The following EGR3 variants were observed in gnomAD, a reference collection of about 807,000 sequenced individuals.
The protein encoded by EGR3 is early growth response protein 3.
Under a neutral mutation model 22.4 loss-of-function variants are expected in EGR3, and 4 were observed. The observed-to-expected ratio is 0.18, with a 90% CI of 0.09 to 0.41. The LOEUF (loss-of-function observed/expected upper bound fraction) is 0.41, where lower values mean the gene tolerates loss of function less well. Among genes scored for constraint, EGR3 ranks in the 10% least tolerant of loss-of-function variants. EGR3 has a pLI of 1.00. For synonymous variants in EGR3, 219 were observed against 226.8 expected (o/e 0.97, Z 0.31); for missense variants, 315 against 541.3 (o/e 0.58, Z 4.15).
Position 22,690,888 on chromosome 8 carries a change from G to T in EGR3, c.749C>A (p.Pro250Gln). 1 of 1,582,308 alleles carries T rather than the reference G, an allele frequency of 6.3e-7. No individual in the cohort carries two copies. The highest frequency in any genetic ancestry group is 8.6e-7 in the Non-Finnish European group (1 of 1,161,778). ...GGGCCGGATGGGCTTGAGGGTGAGC[G>T]GCGGCTGGGGCAGGCTGCCAAAGCC... Reference protein sequence around the residue: ...HPGFGSLPQPPLTLKPIRPRK... With the variant: ...HPGFGSLPQPQLTLKPIRPRK... The change falls in exon 2 of 2, where the codon CCG becomes CAG. Residue 250 changes from proline to glutamine, a missense_variant. Pro to Gln is a moderately conservative substitution (Grantham distance 76). This residue lies in a region of EGR3 where 34 missense variants were observed against 81.9 expected (regional missense o/e 0.42). Coordinates refer to ENST00000317216, the MANE Select transcript of EGR3 (RefSeq NM_004430.3).
At chr8:22,691,913 CT>C in intron 1 of EGR3, 1 of 1,231,048 alleles carries the variant, frequency 8.1e-7, no homozygotes, top group Non-Finnish European at 1.0e-6. Flanking sequence ...GACGCCGCGC[CT>C]TTCCCTCCCC....
chr8:22,691,845 GGCTCTC>G, intron 1 of EGR3: 1 of 985,360 alleles, frequency 1.0e-6, no homozygotes, highest in South Asian at 4.7e-5. Context: ...GAGCGCGCTG[GGCTCTC>G]GCTCTCCACC....
chr8:22,691,885 T>A, intron 1 of EGR3: 1 of 985,298 alleles, frequency 1.0e-6, no homozygotes, highest in Non-Finnish European at 1.2e-6. Context: ...CCTCTTCCCT[T>A]GGCCCTGTCC....
Position 22,691,322 on chromosome 8 carries a change from G to A in EGR3, c.315C>T (p.Leu105=), listed in dbSNP as rs1803949456. 1 of 1,614,102 alleles carries A rather than the reference G, an allele frequency of 6.2e-7. No individual in the cohort carries two copies. The highest frequency in any genetic ancestry group is 8.5e-7 in the Non-Finnish European group (1 of 1,180,040). Residue 105 remains leucine (L), a synonymous_variant, in exon 2 of 2, where the codon CTC becomes CTT. Transcript: ENST00000317216. ...GCACCCCCAAGATGCCGGCGCTCAT[G>A]AGGCTAATGATGTTGTCCTGGCACC... is the stretch of plus-strand genomic sequence containing the variant. The part of the protein sequence containing the change: ...SNWCQDNIIS[L]MSAGILGVPP...
chr8:22,690,352 G>T lies in EGR3; in HGVS notation c.*121C>A. ...GGCATCGAAGGGGAAGCAAGGGGCCGCACGTCCATGGAGAGGCCAGGGCGC... is the reference window on the plus strand; with the variant it reads ...GGCATCGAAGGGGAAGCAAGGGGCCTCACGTCCATGGAGAGGCCAGGGCGC... On this transcript the variant is annotated 3_prime_UTR_variant, in exon 2 of 2. Transcript: ENST00000317216. 1 of 797,148 alleles carries T rather than the reference G, an allele frequency of 1.3e-6. No homozygotes were observed. The highest frequency in any genetic ancestry group is 1.9e-6 in the Non-Finnish European group (1 of 516,946). The allele number at this position is 797,148 out of a possible 1,614,324, so 49.4% of individuals were successfully genotyped here.
rs1804040010 is a variant in EGR3 at position 22,693,467 on chromosome 8, G to T, written c.-523C>A. ...GCCGCTTCCTAGCAAGCTCACTGCT[G>T]CCCAAAAGCTCCCAGCCAGGGAACT... On this transcript the variant is annotated 5_prime_UTR_variant, in exon 1 of 2. Transcript: ENST00000317216. Among the ~76,000 whole-genome samples, 1 of 151,718 alleles carries T rather than the reference G, an allele frequency of 6.6e-6. No homozygotes were observed. Among genetic ancestry groups the T allele is most frequent in the Non-Finnish European group, 1.5e-5 (1 of 67,934 alleles).
At position 22,691,481 on chromosome 8, in the gene EGR3, C is replaced by G. The variant is rs1803955449; in HGVS notation, c.156G>C (p.Glu52Asp). 6.2e-7 allele frequency: 1 copy of G among 1,613,160 alleles called. No homozygotes were observed. Among genetic ancestry groups the G allele is most frequent in the East Asian group, 2.2e-5 (1 of 44,854 alleles). The change falls in exon 2 of 2, where the codon GAG (glutamate) becomes GAC (aspartate). Residue 52 changes from glutamate to aspartate, a missense_variant and splice_region_variant. This residue lies in a region of EGR3 where 227 missense variants were observed against 303.6 expected (regional missense o/e 0.75). Coordinates refer to ENST00000317216, the MANE Select transcript of EGR3 (RefSeq NM_004430.3). The stretch of plus-strand genomic sequence containing the variant: ...TGGTCAGACCGATGTCCATTACATT[C>G]TCTGCGGAGAGCGGGGGAGAGAGGG... ...SVVHYNQMATENVMDIGLTNE... is the reference protein window; with the variant it reads ...SVVHYNQMATDNVMDIGLTNE...
At position 22,688,865 on chromosome 8, in the gene EGR3, G is replaced by A. The variant is rs2128744447; in HGVS notation, c.*1608C>T. The A allele has an allele frequency of 6.5e-6, 1 of 152,806 alleles. No homozygotes were observed. The highest frequency in any genetic ancestry group is 2.1e-4 in the South Asian group (1 of 4,830). 9.5% of individuals were successfully genotyped at this position (152,806 alleles called of 1,614,324 possible). Reference sequence around the variant, plus strand: ...ACAGCTGGGGAAGAGGGGTGCCTGAGAAGAGGTGAGGTAGGGTGGGGAGAA... The same window carrying A: ...ACAGCTGGGGAAGAGGGGTGCCTGAAAAGAGGTGAGGTAGGGTGGGGAGAA... On this transcript the variant is annotated 3_prime_UTR_variant, in exon 2 of 2. Coordinates refer to ENST00000317216, the MANE Select transcript of EGR3 (RefSeq NM_004430.3).
Position 22,688,577 on chromosome 8 carries a change from T to TCAAAA in EGR3, c.*1891_*1895dup, listed in dbSNP as rs1300477961. 3 of 151,826 alleles carry TCAAAA rather than the reference T, an allele frequency of 2.0e-5. No homozygotes were observed. Among genetic ancestry groups the TCAAAA allele is most frequent in the Non-Finnish European group, 2.9e-5 (2 of 67,888 alleles). The allele number at this position is 151,826 out of a possible 1,614,324, so 9.4% of individuals were successfully genotyped here. On this transcript the variant is annotated 3_prime_UTR_variant, in exon 2 of 2. Transcript: ENST00000317216. ...AGTATTATTTATCCACCACCAAAAA[T>TCAAAA]CAAAACAAAACAAAACAAAAATGGT...
Position 22,692,729 on chromosome 8 carries a change from CCCT to C in EGR3, c.154+59_154+61del, listed in dbSNP as rs758184584. On this transcript the variant is annotated intron_variant, in intron 1 of 1. Transcript: ENST00000317216. This position sits in a 1 kb window ranked among gnomAD's most constrained non-coding sequence, Gnocchi z 6.2. ...TCCATCCATCCATCACCAGGTCGTC[CCCT>C]CCTCCTCTTCCTCTCCCCTTCCTTC... The C allele has an allele frequency of 3.0e-5, 48 of 1,594,988 alleles. No homozygotes were observed. The highest frequency in any genetic ancestry group is 3.8e-5 in the Non-Finnish European group (45 of 1,171,434).
chr8:22,691,534 C>A, intron 1 of EGR3, 52 bp from the exon 2 acceptor site: 1 of 1,584,864 alleles, frequency 6.3e-7, no homozygotes, highest in Non-Finnish European at 8.6e-7. Context: ...GATCCGGCTC[C>A]GGGCCGCGGC....
In EGR3 at chr8:22,692,015, A is replaced by C; in HGVS notation, c.155-533T>G. On this transcript the variant is annotated intron_variant, in intron 1 of 1. Coordinates refer to ENST00000317216, the MANE Select transcript of EGR3 (RefSeq NM_004430.3). The surrounding 1 kb of genome is among the most constrained non-coding windows in gnomAD (Gnocchi z 6.2). ...GGAGCGTAGAAGGGTGTCGCCCTCA[A>C]AGGGAGCTCTCCCTTCACCTACCCC... is the stretch of plus-strand genomic sequence containing the variant. The C allele has an allele frequency of 7.7e-7, 1 of 1,294,384 alleles. No homozygotes were observed. The highest frequency in any genetic ancestry group is 9.8e-7 in the Non-Finnish European group (1 of 1,021,250). 80.2% of individuals were successfully genotyped at this position (1,294,384 alleles called of 1,614,324 possible).
chr8:22,693,442 G>A lies in EGR3; in HGVS notation c.-498C>T. 6.1e-6 allele frequency: 1 copy of A among 162,622 alleles called. No individual in the cohort carries two copies. Among genetic ancestry groups the A allele is most frequent in the Non-Finnish European group, 1.3e-5 (1 of 76,178 alleles). 10.1% of individuals were successfully genotyped at this position (162,622 alleles called of 1,614,324 possible). A position where few individuals can be genotyped will look rare whatever the true frequency, so the allele number is the denominator to read the frequency against. On this transcript the variant is annotated 5_prime_UTR_variant, in exon 1 of 2. Coordinates refer to ENST00000317216, the MANE Select transcript of EGR3 (RefSeq NM_004430.3). Reference sequence around the variant, plus strand: ...CGCTGCTACCACCACCACCAGCCCCGCCGCTTCCTAGCAAGCTCACTGCTG... The same window carrying A: ...CGCTGCTACCACCACCACCAGCCCCACCGCTTCCTAGCAAGCTCACTGCTG...
Position 22,691,015 on chromosome 8 carries a change from C to A in EGR3, c.622G>T (p.Glu208Ter), listed in dbSNP as rs1249606448. The change falls in exon 2 of 2, where the codon GAG becomes TAG. Residue 208 changes from glutamate to a stop codon, truncating the protein, a stop_gained. Coordinates refer to ENST00000317216, the MANE Select transcript of EGR3 (RefSeq NM_004430.3). LOFTEE classifies it high-confidence loss of function. ...TCCATGCCCTGGAAGGGCTTGTGCT[C>A]CGGAATGGAGCCCATGTCGTTGGGG... ...HHPNDMGSIPEHKPFQGMDPI... is the reference protein window; with the variant it reads ...HHPNDMGSIP 1 of 1,592,162 alleles carries A rather than the reference C, an allele frequency of 6.3e-7. No individual in the cohort carries two copies. Among genetic ancestry groups the A allele is most frequent in the South Asian group, 1.1e-5 (1 of 87,564 alleles).
chr8:22,692,442 C>G lies in EGR3; in HGVS notation c.154+349G>C. Reference sequence around the variant, plus strand: ...CGACAGCACCACGCCTTGCGCGTAGCCCGGCGATCGGGCCCCCTGCGTGGT... The same window carrying G: ...CGACAGCACCACGCCTTGCGCGTAGGCCGGCGATCGGGCCCCCTGCGTGGT... On this transcript the variant is annotated intron_variant, in intron 1 of 1. Coordinates refer to ENST00000317216, the MANE Select transcript of EGR3 (RefSeq NM_004430.3). The surrounding 1 kb of genome is among the most constrained non-coding windows in gnomAD (Gnocchi z 6.2). 3 of 1,423,984 alleles carry G rather than the reference C, an allele frequency of 2.1e-6. No homozygotes were observed. In the South Asian group the frequency reaches 4.5e-5, roughly 21 times the overall value. 88.2% of individuals were successfully genotyped at this position (1,423,984 alleles called of 1,614,324 possible).
chr8:22,692,081 G>A lies in EGR3; in HGVS notation c.155-599C>T. ...GGGCATGAAGGAGCTTTAGGCTCTTGCTGGAGGGGAAAATCCTAGCCCCAG... is the reference window on the plus strand; with the variant it reads ...GGGCATGAAGGAGCTTTAGGCTCTTACTGGAGGGGAAAATCCTAGCCCCAG... On this transcript the variant is annotated intron_variant, in intron 1 of 1. Transcript: ENST00000317216. The surrounding 1 kb of genome is among the most constrained non-coding windows in gnomAD (Gnocchi z 6.2). 7.4e-7 allele frequency: 1 copy of A among 1,347,994 alleles called. No individual in the cohort carries two copies. The highest frequency in any genetic ancestry group is 9.5e-7 in the Non-Finnish European group (1 of 1,053,606). 83.5% of individuals were successfully genotyped at this position (1,347,994 alleles called of 1,614,324 possible). A position where few individuals can be genotyped will look rare whatever the true frequency, so the allele number is the denominator to read the frequency against.
Position 22,690,296 on chromosome 8 carries a change from C to G in EGR3, c.*177G>C, listed in dbSNP as rs535861312. The G allele has an allele frequency of 5.7e-5, 35 of 618,554 alleles. 1 individual carries two copies. In the East Asian group the frequency reaches 9.5e-4, roughly 17 times the overall value. The allele number at this position is 618,554 out of a possible 1,614,324, so 38.3% of individuals were successfully genotyped here. On this transcript the variant is annotated 3_prime_UTR_variant, in exon 2 of 2. Transcript: ENST00000317216. ...GGCGCCTCCAGCCCTGGCCCCTGAC[C>G]GCTGGCCGGCGTGAAAGGTTGGGAA... is the stretch of plus-strand genomic sequence containing the variant.
chr8:22,692,729 C>T lies in EGR3; in HGVS notation c.154+62G>A, dbSNP rs1433327742. 3 of 1,594,988 alleles carry T rather than the reference C, an allele frequency of 1.9e-6. No homozygotes were observed. Among genetic ancestry groups the T allele is most frequent in the Non-Finnish European group, 2.6e-6 (3 of 1,171,434 alleles). On this transcript the variant is annotated intron_variant, in intron 1 of 1. Coordinates refer to ENST00000317216, the MANE Select transcript of EGR3 (RefSeq NM_004430.3). The surrounding 1 kb of genome is among the most constrained non-coding windows in gnomAD (Gnocchi z 6.2). Reference sequence around the variant, plus strand: ...TCCATCCATCCATCACCAGGTCGTCCCCTCCTCCTCTTCCTCTCCCCTTCC... The same window carrying T: ...TCCATCCATCCATCACCAGGTCGTCTCCTCCTCCTCTTCCTCTCCCCTTCC...
chr8:22,691,704 T>G, intron 1 of EGR3: 1 of 984,810 alleles, frequency 1.0e-6, no homozygotes, highest in Non-Finnish European at 1.2e-6. Flanking sequence ...GAGTGGCTGC[T>G]GCACACACAG....
Sources: allele counts gnomAD v4.1 joint callset (sites outside exome capture counted in the v4.1 genomes callset), GRCh38; gene constraint gnomAD v4.1.1; regional missense constraint gnomAD v4.1.1; non-coding constraint Gnocchi (gnomAD v3.1); transcripts MANE v1.5; gene names NCBI Gene and HGNC (gene_info 2026-07-23, HGNC 2026-07-21).